Variants in TMEM132D observed in about 807,000 individuals in gnomAD.
The protein encoded by TMEM132D is transmembrane protein 132D, also known as mature OL transmembrane protein.
TMEM132D carries 21 observed loss-of-function variants against 62.3 expected under a neutral mutation model. The ratio of observed to expected loss-of-function variants is 0.34; its 90% CI spans 0.24 to 0.49. The LOEUF (loss-of-function observed/expected upper bound fraction) is 0.49, where lower values mean the gene tolerates loss of function less well. TMEM132D is among the 20% of genes least tolerant of loss of function. The probability of loss-of-function intolerance (pLI) is 0.99; values close to 1 mark genes in which losing one functional copy is unlikely to be tolerated. For missense variants in TMEM132D, 1,346 were observed against 1,402.8 expected (o/e 0.96, Z 0.65); for synonymous variants, 621 against 575.6 (o/e 1.08, Z -1.13).
chr12:129,080,186 T>G (rs1874406698), intron 7 of TMEM132D, among the ~76,000 whole-genome samples: 3 of 152,234 alleles, frequency 2.0e-5, no homozygotes, highest in African/African-American at 4.8e-5. Context: ...GACCATCATT[T>G]AGAGAGCCAG....
At chr12:129,441,729 C>G (rs1872941235) in intron 3 of TMEM132D, among the ~76,000 whole-genome samples, 1 of 152,154 alleles carries the variant, frequency 6.6e-6, no homozygotes, top group South Asian at 2.1e-4. Flanking sequence ...AGCTACGGAA[C>G]CGACCCAGGT....
intron 1 of TMEM132D, among the ~76,000 whole-genome samples, chr12:129,892,364 T>C (rs1306335889): frequency 1.3e-5 from 2 of 152,240 alleles, no homozygotes; most frequent in Non-Finnish European, 2.9e-5. Context: ...TGACTATCAC[T>C]CAATACTGTC....
intron 3 of TMEM132D, among the ~76,000 whole-genome samples, chr12:129,486,649 G>C (rs1229503388): frequency 6.6e-6 from 1 of 152,216 alleles, no homozygotes; most frequent in Non-Finnish European, 1.5e-5. Flanking sequence ...TACCACGGAT[G>C]TGAGGATTGT....
At chr12:129,739,402 C>T (rs897294915) in intron 1 of TMEM132D, among the ~76,000 whole-genome samples, 2 of 152,082 alleles carry the variant, frequency 1.3e-5, no homozygotes, top group Admixed American at 6.5e-5. Flanking sequence ...ACAGAGGAGA[C>T]GTCAACTCTT....
chr12:129,575,523 G>A (rs1369047291), intron 2 of TMEM132D, among the ~76,000 whole-genome samples: 1 of 151,902 alleles, frequency 6.6e-6, no homozygotes, highest in East Asian at 1.9e-4. Flanking sequence ...GTATCAAAGA[G>A]AAGGCAGTGA....
At chr12:129,442,206 T>G (rs1872957399) in intron 3 of TMEM132D, among the ~76,000 whole-genome samples, 2 of 152,276 alleles carry the variant, frequency 1.3e-5, no homozygotes, top group South Asian at 4.1e-4. Context: ...CAGCAGCCAG[T>G]GGGCAATGGA....
chr12:129,741,908 A>T (rs1869622316), intron 1 of TMEM132D, among the ~76,000 whole-genome samples: 1 of 152,216 alleles, frequency 6.6e-6, no homozygotes, highest in South Asian at 2.1e-4. Context: ...AATGGCAAAT[A>T]ATCACTGCTG....
At chr12:129,801,468 G>A (rs1593167391) in intron 1 of TMEM132D, among the ~76,000 whole-genome samples, 2 of 151,890 alleles carry the variant, frequency 1.3e-5, no homozygotes, top group Admixed American at 6.6e-5. Context: ...CAGACCTGCA[G>A]CTGAGGGTCC....
At chr12:129,582,176 T>G (rs144653589) in intron 2 of TMEM132D, among the ~76,000 whole-genome samples, 1 of 152,236 alleles carries the variant, frequency 6.6e-6, no homozygotes, top group African/African-American at 2.4e-5. Context: ...GCCGATCCCA[T>G]GTATTTTTGA....
intron 5 of TMEM132D, among the ~76,000 whole-genome samples, chr12:129,129,709 T>C (rs1167310684): frequency 6.6e-6 from 1 of 152,166 alleles, no homozygotes; most frequent in Non-Finnish European, 1.5e-5. Flanking sequence ...GAAATCTCAT[T>C]GTGGCTTTGA....
chr12:129,260,961 T>C (rs1880534935), intron 4 of TMEM132D, among the ~76,000 whole-genome samples: 1 of 152,204 alleles, frequency 6.6e-6, no homozygotes. Context: ...CAAAATGTGC[T>C]GTTATAAACA....
intron 4 of TMEM132D, among the ~76,000 whole-genome samples, chr12:129,237,601 G>A (rs895199227): frequency 4.6e-5 from 7 of 151,924 alleles, no homozygotes; most frequent in African/African-American, 1.7e-4. Context: ...ATTATGCTTT[G>A]TAGGATGGCA....
chr12:129,124,614 T>C (rs1442114765), intron 5 of TMEM132D, among the ~76,000 whole-genome samples: 1 of 152,228 alleles, frequency 6.6e-6, no homozygotes, highest in Admixed American at 6.5e-5. Context: ...ACTTCTGGCC[T>C]GTGAGATGTA....
Position 129,868,779 on chromosome 12 carries a change from C to T in TMEM132D, c.79+34482G>A, listed in dbSNP as rs1466391380. On this transcript the variant is annotated intron_variant, in intron 1 of 8. Coordinates refer to ENST00000422113, the MANE Select transcript of TMEM132D (RefSeq NM_133448.3). ...CCAGCTGCTTGCGATGCAAGGAACG[C>T]GGCCTCTCTTCCCACCCTGCCCCCA... 4.6e-5 allele frequency among the ~76,000 whole-genome samples: 7 copies of T among 152,266 alleles called. No homozygotes were observed. The East Asian group carries it at 1.2e-3, about 25-fold the overall frequency.
At chr12:129,159,915 G>A (rs773674073) in intron 5 of TMEM132D, among the ~76,000 whole-genome samples, 3 of 152,126 alleles carry the variant, frequency 2.0e-5, no homozygotes, top group Non-Finnish European at 2.9e-5. Context: ...GGGCAGCCAG[G>A]GAATCTGTTT....
chr12:129,422,381 A>T (rs1872353937), intron 3 of TMEM132D, among the ~76,000 whole-genome samples: 2 of 152,202 alleles, frequency 1.3e-5, no homozygotes, highest in South Asian at 4.1e-4. Context: ...AGAACAAAAA[A>T]TTAGCAGAGG....
chr12:129,205,393 C>T (rs1316762438), intron 5 of TMEM132D, among the ~76,000 whole-genome samples: 2 of 127,260 alleles, frequency 1.6e-5, no homozygotes. Flanking sequence ...AAAAAAAAAA[C>T]TGACTTTAAA....
At chr12:129,850,352 G>C (rs1363521677) in intron 1 of TMEM132D, among the ~76,000 whole-genome samples, 1 of 152,154 alleles carries the variant, frequency 6.6e-6, no homozygotes, top group Non-Finnish European at 1.5e-5. Flanking sequence ...ATGTGTCTTT[G>C]ACTGGGGCCA....
At chr12:129,569,394 G>A (rs1031250874) in intron 2 of TMEM132D, among the ~76,000 whole-genome samples, 2 of 152,164 alleles carry the variant, frequency 1.3e-5, no homozygotes, top group African/African-American at 4.8e-5. Context: ...TGACATTACA[G>A]TGCTACTCCT....
Sources: gnomAD v4.1 joint callset for allele counts (sites outside exome capture counted in the v4.1 genomes callset) on GRCh38, gnomAD v4.1.1 for gene constraint, MANE v1.5 for transcripts, NCBI Gene and HGNC (gene_info 2026-07-23, HGNC 2026-07-21) for gene names.